Variants in CFAP299 observed in about 807,000 individuals in gnomAD.
The protein encoded by CFAP299 is cilia- and flagella-associated protein 299.
Under a neutral mutation model 27.0 loss-of-function variants are expected in CFAP299, and 21 were observed. The ratio of observed to expected loss-of-function variants is 0.78; its 90% CI spans 0.55 to 1.12. The LOEUF is 1.12. CFAP299 is among the 50% of genes most tolerant of loss of function. The pLI is 0.00. For missense variants in CFAP299, 310 were observed against 276.6 expected, an observed-to-expected ratio of 1.12 and a Z score of -0.86; for synonymous variants, 104 against 98.1, an observed-to-expected ratio of 1.06 and a Z score of -0.36.
rs371736690 is a variant in CFAP299 at position 80,940,031 on chromosome 4, C to A, written c.477-4779C>A. 6.6e-5 allele frequency among the ~76,000 whole-genome samples: 10 copies of A among 152,260 alleles called. No homozygotes were observed. The South Asian group carries it at 1.9e-3, about 28-fold the overall frequency. ...CTGCAGAGTTGAGCTGGCTGCTGATCTACATGCACTCTCTGTGAGTATTTG... is the reference window on the plus strand; with the variant it reads ...CTGCAGAGTTGAGCTGGCTGCTGATATACATGCACTCTCTGTGAGTATTTG... On this transcript the variant is annotated intron_variant, in intron 4 of 5. Transcript: ENST00000358105.
At chr4:80,415,939 A>G (rs999796696) in intron 2 of CFAP299, among the ~76,000 whole-genome samples, 2 of 152,250 alleles carry the variant, frequency 1.3e-5, no homozygotes, top group African/African-American at 4.8e-5. Flanking sequence ...TCACAAAGCT[A>G]CAGAGCTATA....
intron 3 of CFAP299, among the ~76,000 whole-genome samples, chr4:80,767,575 C>G (rs1177228358): frequency 6.6e-6 from 1 of 152,142 alleles, no homozygotes; most frequent in South Asian, 2.1e-4. Flanking sequence ...CCCCACTGCA[C>G]TCCAGCGTCG....
At chr4:80,664,524 C>G (rs1360870091) in intron 3 of CFAP299, among the ~76,000 whole-genome samples, 1 of 152,168 alleles carries the variant, frequency 6.6e-6, no homozygotes, top group African/African-American at 2.4e-5. Flanking sequence ...GCTTTGTTTA[C>G]ACTGTGAGTG....
intron 2 of CFAP299, among the ~76,000 whole-genome samples, chr4:80,417,172 T>C (rs1727059108): frequency 6.6e-6 from 1 of 152,182 alleles, no homozygotes; most frequent in Admixed American, 6.5e-5. Flanking sequence ...CCATGGCATT[T>C]GTAAACTGTC....
At chr4:80,334,839 C>A (rs1054597310), upstream of CFAP299, among the ~76,000 whole-genome samples, 1 of 152,088 alleles carries the variant, frequency 6.6e-6, no homozygotes, top group Admixed American at 6.5e-5. Flanking sequence ...CAGATGTTTT[C>A]ATTAAAATTT....
intron 4 of CFAP299, among the ~76,000 whole-genome samples, chr4:80,894,947 A>C (rs1290618876): frequency 6.6e-6 from 1 of 151,976 alleles, no homozygotes; most frequent in Non-Finnish European, 1.5e-5. Flanking sequence ...TTATATGTGG[A>C]ATCTAAAAAA....
intron 3 of CFAP299, among the ~76,000 whole-genome samples, chr4:80,812,697 A>G (rs947675116): frequency 3.3e-5 from 5 of 152,140 alleles, no homozygotes; most frequent in Admixed American, 6.6e-5. Context: ...ACTGATAAAA[A>G]CTGTCACTTA....
At chr4:80,670,548 C>T (rs997856083) in intron 3 of CFAP299, among the ~76,000 whole-genome samples, 28 of 152,128 alleles carry the variant, frequency 1.8e-4, no homozygotes, top group Admixed American at 1.8e-3. Flanking sequence ...GATCTAGATC[C>T]TTGAGGAATA....
intron 3 of CFAP299, among the ~76,000 whole-genome samples, chr4:80,627,179 A>G (rs1457506060): frequency 1.3e-5 from 2 of 151,992 alleles, no homozygotes; most frequent in African/African-American, 4.8e-5. Flanking sequence ...CAGTGATGCA[A>G]GGATGGTCCT....
At chr4:80,744,186 T>C (rs1041514514) in intron 3 of CFAP299, among the ~76,000 whole-genome samples, 35 of 152,172 alleles carry the variant, frequency 2.3e-4, no homozygotes, top group Non-Finnish European at 4.9e-4. Context: ...TTCTTCATAA[T>C]AGAAACTTGT....
chr4:80,880,361 C>G (rs1487531105), intron 4 of CFAP299, among the ~76,000 whole-genome samples: 1 of 151,536 alleles, frequency 6.6e-6, no homozygotes. Context: ...GCTTTTATTT[C>G]TCCAGAAAAA....
intron 2 of CFAP299, among the ~76,000 whole-genome samples, chr4:80,364,668 A>G (rs907530394): frequency 2.6e-5 from 4 of 152,180 alleles, no homozygotes; most frequent in African/African-American, 9.6e-5. Flanking sequence ...AACATGTGCC[A>G]TGGTGGTTTG....
chr4:80,879,931 C>G lies in CFAP299; in HGVS notation c.476+9796C>G, dbSNP rs905722245. On this transcript the variant is annotated intron_variant, in intron 4 of 5. Coordinates refer to ENST00000358105, the MANE Select transcript of CFAP299 (RefSeq NM_152770.3). The stretch of plus-strand genomic sequence containing the variant: ...TGCCTACATACCTTCTTATTATTTC[C>G]TATAATCTGTCTTTACTATCATTCA... 2.6e-5 allele frequency among the ~76,000 whole-genome samples: 4 copies of G among 152,156 alleles called. No individual in the cohort carries two copies. In the East Asian group the frequency reaches 7.7e-4, roughly 29 times the overall value.
rs373491232 is a variant in CFAP299, at chr4:80,920,631, ATATAT to A, written c.477-24176_477-24172del. 4.1e-3 allele frequency among the ~76,000 whole-genome samples: 617 copies of A among 152,228 alleles called. 1 individual carries two copies. Among genetic ancestry groups the A allele is most frequent in the Middle Eastern group, 0.014 (4 of 294 alleles). On this transcript the variant is annotated intron_variant, in intron 4 of 5. Transcript: ENST00000358105. ...CTAAGACATGCTGCCTTTTACTATA[ATATAT>A]TAATGTCTCAACCTCCAGTTTATTT... is the stretch of plus-strand genomic sequence containing the variant.
At chr4:80,660,762 A>G (rs550258772) in intron 3 of CFAP299, among the ~76,000 whole-genome samples, 2 of 152,244 alleles carry the variant, frequency 1.3e-5, no homozygotes, top group East Asian at 3.9e-4. Flanking sequence ...GAGTTTTAAG[A>G]GTCACAAAGG....
chr4:80,806,299 A>C (rs1323397060), intron 3 of CFAP299, among the ~76,000 whole-genome samples: 1 of 152,160 alleles, frequency 6.6e-6, no homozygotes, highest in Non-Finnish European at 1.5e-5. Flanking sequence ...TTGCTTTTTA[A>C]ATTCATGTTA....
At chr4:80,894,691 A>C (rs1399344229) in intron 4 of CFAP299, among the ~76,000 whole-genome samples, 1 of 152,016 alleles carries the variant, frequency 6.6e-6, no homozygotes, top group Non-Finnish European at 1.5e-5. Context: ...ACTTCTGCAT[A>C]TATATTTAAA....
chr4:80,848,335 G>C (rs1195335560), intron 3 of CFAP299, among the ~76,000 whole-genome samples: 2 of 152,094 alleles, frequency 1.3e-5, no homozygotes, highest in African/African-American at 4.8e-5. Flanking sequence ...GATATGTTCT[G>C]AGAAATGTGA....
chr4:80,654,098 G>A (rs910525919), intron 3 of CFAP299, among the ~76,000 whole-genome samples: 3 of 152,106 alleles, frequency 2.0e-5, no homozygotes, highest in Non-Finnish European at 4.4e-5. Context: ...CTGTTAAAAA[G>A]CTCCATGACA....
Sources: allele counts gnomAD v4.1 joint callset (sites outside exome capture counted in the v4.1 genomes callset), GRCh38; gene constraint gnomAD v4.1.1; transcripts MANE v1.5; gene names NCBI Gene and HGNC (gene_info 2026-07-23, HGNC 2026-07-21).